ERAP1: variants seen among roughly 807,000 people sequenced by gnomAD.
The protein encoded by ERAP1 is endoplasmic reticulum aminopeptidase 1, also known as adipocyte-derived leucine aminopeptidase.
A neutral mutation model predicts 103.7 loss-of-function variants in ERAP1; 86 were observed. That is an observed-to-expected ratio of 0.83 (90% confidence interval 0.70 to 0.99). The LOEUF (loss-of-function observed/expected upper bound fraction) is 0.99, where lower values mean the gene tolerates loss of function less well. Among genes scored for constraint, ERAP1 ranks in the 50% least tolerant of loss-of-function variants. The pLI, the probability that ERAP1 is intolerant of heterozygous loss-of-function variation, is 0.00. For synonymous variants in ERAP1, 398 were observed against 402.4 expected, an observed-to-expected ratio of 0.99 and a Z score of 0.13; for missense variants, 1,009 against 1,128.4, an observed-to-expected ratio of 0.89 and a Z score of 1.52.
chr5:96,785,906 T>G lies in ERAP1; in HGVS notation c.1825A>C (p.Ile609Leu). The change falls in exon 13 of 19, where the codon ATT (isoleucine) becomes CTT (leucine). Residue 609 changes from isoleucine to leucine, a missense_variant. This residue lies in a region of ERAP1 where 611 missense variants were observed against 651.7 expected (regional missense o/e 0.94). Transcript: ENST00000443439. Reference protein sequence around the residue: ...KFNVGMNGYYIVHYEDDGWDS... With the variant: ...KFNVGMNGYYLVHYEDDGWDS... The stretch of plus-strand genomic sequence containing the variant: ...CATCCATCATCCTCGTAATGCACAA[T>G]GTAATAGCCATTCATGCCCACATTA... The G allele has an allele frequency of 6.2e-7, 1 of 1,614,154 alleles. No individual in the cohort carries two copies. The highest frequency in any genetic ancestry group is 8.5e-7 in the Non-Finnish European group (1 of 1,180,030).
At chr5:96,923,545 T>A in the ERAP1 span, among the ~76,000 whole-genome samples, 1 of 151,804 alleles carries the variant, frequency 6.6e-6, no homozygotes, top group African/African-American at 2.4e-5. Context: ...ATACAAAAAA[T>A]TAGCCGGGCG....
chr5:96,933,659 A>ACT, the ERAP1 span, among the ~76,000 whole-genome samples: 20 of 152,342 alleles, frequency 1.3e-4, no homozygotes, highest in African/African-American at 4.8e-4. Context: ...TGTAGGTTAC[A>ACT]GGTGAAGTGA....
At chr5:96,842,762 T>G in the ERAP1 span, among the ~76,000 whole-genome samples, 1 of 152,240 alleles carries the variant, frequency 6.6e-6, no homozygotes, top group African/African-American at 2.4e-5. Context: ...TCTTTTACTG[T>G]GCAGAAGCTT....
At chr5:96,883,770 C>A in the ERAP1 span, 1 of 1,600,432 alleles carries the variant, frequency 6.2e-7, no homozygotes, top group Non-Finnish European at 8.5e-7. Context: ...TGCATTTTGG[C>A]TGGGGGTGGG....
intron 18 of ERAP1, among the ~76,000 whole-genome samples, chr5:96,778,845 C>G (rs755435942): frequency 1.4e-4 from 22 of 152,144 alleles, no homozygotes; most frequent in Non-Finnish European, 2.6e-4. Context: ...GAGGGAAGAC[C>G]GGCAGGACTT....
the ERAP1 span, chr5:96,919,032 T>C: frequency 6.6e-6 from 1 of 152,144 alleles, no homozygotes; most frequent in African/African-American, 2.4e-5. Context: ...ATCCTATATA[T>C]GAGACAGTAT....
At chr5:96,855,568 A>C in the ERAP1 span, among the ~76,000 whole-genome samples, 1 of 152,222 alleles carries the variant, frequency 6.6e-6, no homozygotes, top group South Asian at 2.1e-4. Flanking sequence ...TTTACAGTGA[A>C]GACTGTCTGT....
the ERAP1 span, among the ~76,000 whole-genome samples, chr5:96,933,524 C>A: frequency 6.6e-6 from 1 of 152,112 alleles, no homozygotes; most frequent in Non-Finnish European, 1.5e-5. Flanking sequence ...TCAAAGAAAT[C>A]TCAAAAAGAC....
At chr5:96,855,187 G>A in the ERAP1 span, among the ~76,000 whole-genome samples, 5 of 152,154 alleles carry the variant, frequency 3.3e-5, no homozygotes, top group Non-Finnish European at 5.9e-5. Context: ...ACCAGTCATG[G>A]TAGAGATAAT....
intron 18 of ERAP1, among the ~76,000 whole-genome samples, chr5:96,777,238 G>A (rs1459431034): frequency 1.3e-5 from 2 of 152,160 alleles, no homozygotes; most frequent in East Asian, 1.9e-4. Flanking sequence ...CAGATAGGCT[G>A]GCTTTGCCAC....
chr5:96,880,141 T>G, the ERAP1 span: 16 of 1,613,970 alleles, frequency 9.9e-6, no homozygotes, highest in Admixed American at 2.7e-4. Context: ...CACTGCTGGT[T>G]CCAGAGAAAC....
chr5:96,791,966 TG>T, intron 8 of ERAP1, 94 bp downstream of exon 8: 1 of 1,392,836 alleles, frequency 7.2e-7, no homozygotes, highest in Non-Finnish European at 1.0e-6. Flanking sequence ...GCATTCAATC[TG>T]GGTTTAACCC....
At chr5:96,935,850 G>A in the ERAP1 span, 3 of 379,968 alleles carry the variant, frequency 7.9e-6, no homozygotes, top group Middle Eastern at 7.2e-4. Context: ...GCCGCAGCCG[G>A]GTCCACTTCA....
At position 96,780,452 on chromosome 5, in the gene ERAP1, G is replaced by A. The variant is rs766290271; in HGVS notation, c.2641C>T (p.Gln881Ter). 1.2e-6 allele frequency: 2 copies of A among 1,610,450 alleles called. No homozygotes were observed. Among genetic ancestry groups the A allele is most frequent in the South Asian group, 2.2e-5 (2 of 90,460 alleles). The change falls in exon 18 of 19, where the codon CAA (glutamine) becomes TAA (stop). Residue 881 changes from glutamine (Q) to a stop codon, truncating the protein, a stop_gained. Transcript: ENST00000443439. LOFTEE classifies it high-confidence loss of function. Reference protein sequence around the residue: ...IAHMVMGTTNQFSTRTRLEEV... With the variant: ...IAHMVMGTTN The stretch of plus-strand genomic sequence containing the variant: ...TCAAGCCGTGTTCTTGTGGAGAATT[G>A]ATTTGTTGTACCCATTACCATGTGG...
the ERAP1 span, chr5:96,881,212 A>G: frequency 2.9e-6 from 1 of 350,392 alleles, no homozygotes; most frequent in South Asian, 2.1e-5. Context: ...CTTTATAAAG[A>G]TCAAGTCTAT....
rs1453960530 is a variant in ERAP1 at position 96,775,201 on chromosome 5, T to C, written c.*1195A>G. ...TAGTAAACTGTGCTTTCTATTATTATCATCTATACATAAAACCTGAGCAGC... is the reference window on the plus strand; with the variant it reads ...TAGTAAACTGTGCTTTCTATTATTACCATCTATACATAAAACCTGAGCAGC... On this transcript the variant is annotated 3_prime_UTR_variant, in exon 19 of 19. Transcript: ENST00000443439. 4 of 985,562 alleles carry C rather than the reference T, an allele frequency of 4.1e-6. No individual in the cohort carries two copies. The highest frequency in any genetic ancestry group is 4.8e-6 in the Non-Finnish European group (4 of 829,924). The allele number at this position is 985,562 out of a possible 1,614,324, so 61.1% of individuals were successfully genotyped here.
Position 96,783,126 on chromosome 5 carries a change from A to C in ERAP1, c.2210T>G (p.Val737Gly), listed in dbSNP as rs1581553574. The C allele has an allele frequency of 6.2e-7, 1 of 1,614,218 alleles. No individual in the cohort carries two copies. The highest frequency in any genetic ancestry group is 2.2e-5 in the East Asian group (1 of 44,876). ...LRSQLLLLACVHNYQPCVQRA... is the reference protein window; with the variant it reads ...LRSQLLLLACGHNYQPCVQRA... ...CTGTACGCACGGCTGATAGTTGTGC[A>C]CACAGGCGAGGAGTAGTAGTTGACT... The change falls in exon 15 of 19, where the codon GTG becomes GGG. Residue 737 changes from valine to glycine, a missense_variant. Around this residue, in one of 3 missense-constraint regions of ERAP1, gnomAD observed 611 missense variants for 651.7 expected, o/e 0.94. Coordinates refer to ENST00000443439, the MANE Select transcript of ERAP1 (RefSeq NM_001040458.3).
In ERAP1 at chr5:96,774,620, A is replaced by G. The variant is rs868040902; in HGVS notation, c.*1776T>C. The G allele has an allele frequency of 1.9e-4, 188 of 985,390 alleles. No individual in the cohort carries two copies. The highest frequency in any genetic ancestry group is 2.1e-4 in the Non-Finnish European group (171 of 829,852). The allele number at this position is 985,390 out of a possible 1,614,324, so 61.0% of individuals were successfully genotyped here. A position where few individuals can be genotyped will look rare whatever the true frequency, so the allele number is the denominator to read the frequency against. On this transcript the variant is annotated 3_prime_UTR_variant, in exon 19 of 19. Transcript: ENST00000443439. Reference sequence around the variant, plus strand: ...CTCAGGTGACCAAAACTGAAAATCAATATTTCCATGTTTCATTAATCAAGG... The same window carrying G: ...CTCAGGTGACCAAAACTGAAAATCAGTATTTCCATGTTTCATTAATCAAGG...
chr5:96,779,885 A>C (rs1283556943), intron 18 of ERAP1, among the ~76,000 whole-genome samples: 1 of 152,224 alleles, frequency 6.6e-6, no homozygotes, highest in Non-Finnish European at 1.5e-5. Flanking sequence ...AATTGCGAGA[A>C]TTATCCTCAG....
Sources: gnomAD v4.1 joint callset for allele counts (sites outside exome capture counted in the v4.1 genomes callset) on GRCh38, gnomAD v4.1.1 for gene constraint, gnomAD v4.1.1 regional missense constraint, MANE v1.5 for transcripts, NCBI Gene and HGNC (gene_info 2026-07-23, HGNC 2026-07-21) for gene names.